IGSF10: variants seen among roughly 807,000 people sequenced by gnomAD.
IGSF10 encodes the protein immunoglobulin superfamily member 10, also known as calvaria mechanical force protein 608.
IGSF10 carries 126 observed loss-of-function variants against 128.2 expected under a neutral mutation model. The ratio of observed to expected loss-of-function variants is 0.98; its 90% CI spans 0.85 to 1.14. The LOEUF (loss-of-function observed/expected upper bound fraction) is 1.14, where lower values mean the gene tolerates loss of function less well. Among genes scored for constraint, IGSF10 ranks in the 50% most tolerant of loss-of-function variants. The pLI is 0.00. For missense variants in IGSF10, 3,295 were observed against 3,149.8 expected (o/e 1.05, Z -1.10); for synonymous variants, 1,185 against 1,146.2 (o/e 1.03, Z -0.68).
chr3:151,563,226 C>T, the IGSF10 span, among the ~76,000 whole-genome samples: 16 of 152,200 alleles, frequency 1.1e-4, 1 homozygote, highest in South Asian at 6.2e-4. Flanking sequence ...CAGCCTTGAC[C>T]GTGAGAGTGA....
the IGSF10 span, among the ~76,000 whole-genome samples, chr3:151,529,850 C>T: frequency 6.6e-6 from 1 of 151,944 alleles, no homozygotes; most frequent in African/African-American, 2.4e-5. Flanking sequence ...AAACTGGATG[C>T]AGGATGAGTT....
In IGSF10 at chr3:151,450,895, C is replaced by CAAAA. The variant is rs35070766; in HGVS notation, c.716-1634_716-1631dup. On this transcript the variant is annotated intron_variant, in intron 5 of 7. Coordinates refer to ENST00000282466, the MANE Select transcript of IGSF10 (RefSeq NM_178822.5). Reference sequence around the variant, plus strand: ...GGGCAACAAGAGCAAAACTCTGTCTCAAAAAAAAAAAAAAAAAAAAAAAGA... The same window carrying CAAAA: ...GGGCAACAAGAGCAAAACTCTGTCTCAAAAAAAAAAAAAAAAAAAAAAAAAAAGA... 3.7e-3 allele frequency among the ~76,000 whole-genome samples: 200 copies of CAAAA among 54,712 alleles called. 1 individual carries two copies. The highest frequency in any genetic ancestry group is 4.6e-3 in the South Asian group (5 of 1,092). The allele number at this position is 54,712 out of a possible 152,430, so 35.9% of individuals were successfully genotyped here. A position where few individuals can be genotyped will look rare whatever the true frequency, so the allele number is the denominator to read the frequency against.
At chr3:151,536,779 G>A in the IGSF10 span, among the ~76,000 whole-genome samples, 6 of 152,178 alleles carry the variant, frequency 3.9e-5, no homozygotes, top group African/African-American at 1.2e-4. Flanking sequence ...TTTAATATGG[G>A]CCAATATTTT....
At chr3:151,587,331 A>G in the IGSF10 span, among the ~76,000 whole-genome samples, 155 of 152,290 alleles carry the variant, frequency 1.0e-3, 2 homozygotes, top group Admixed American at 8.3e-3. Flanking sequence ...TCTTGGATTA[A>G]TGTCATCTTG....
At chr3:151,560,685 A>C in the IGSF10 span, among the ~76,000 whole-genome samples, 1 of 139,620 alleles carries the variant, frequency 7.2e-6, no homozygotes, top group African/African-American at 2.6e-5. Flanking sequence ...ATCTATAACA[A>C]ATTATGCATT....
At position 151,443,859 on chromosome 3, in the gene IGSF10, C is replaced by T; in HGVS notation, c.5088G>A (p.Gln1696=). 1 of 1,607,374 alleles carries T rather than the reference C, an allele frequency of 6.2e-7. No individual in the cohort carries two copies. Among genetic ancestry groups the T allele is most frequent in the Non-Finnish European group, 8.5e-7 (1 of 1,175,284 alleles). ...PSGLDLSKRK[Q]NSRVQVLPNG... is the part of the protein sequence containing the mutation. ...TGGGGAGAACCTGGACCCTGCTATTCTGTTTCCTCTTAGATAAATCAAGTC... is the reference window on the plus strand; with the variant it reads ...TGGGGAGAACCTGGACCCTGCTATTTTGTTTCCTCTTAGATAAATCAAGTC... The change falls in exon 7 of 8, where the codon CAG becomes CAA. Residue 1696 remains glutamine (Q), a synonymous_variant. Transcript: ENST00000282466.
chr3:151,594,389 A>C, the IGSF10 span, among the ~76,000 whole-genome samples: 1 of 141,746 alleles, frequency 7.1e-6, no homozygotes, highest in South Asian at 2.2e-4. Flanking sequence ...GCTGGAGTGC[A>C]GTGGCGCAAT....
Position 151,447,530 on chromosome 3 carries a change from T to C in IGSF10, c.2451A>G (p.Pro817=). The stretch of plus-strand genomic sequence containing the variant: ...TGGAGTCAGCAGTCACTGTCCTTGC[T>C]GGAAGGTTCAAAGCTTTAGTGGCCG... ...MVPATKALNL[P]ARTVTADSRT... is the part of the protein sequence containing the mutation. The change falls in exon 6 of 8, where the codon CCA becomes CCG. Residue 817 remains proline (P), a synonymous_variant. Transcript: ENST00000282466. 2 of 1,614,190 alleles carry C rather than the reference T, an allele frequency of 1.2e-6. No homozygotes were observed. Among genetic ancestry groups the C allele is most frequent in the Non-Finnish European group, 1.7e-6 (2 of 1,180,024 alleles).
Position 151,447,374 on chromosome 3 carries a change from G to A in IGSF10, c.2607C>T (p.Ala869=). The A allele has an allele frequency of 6.2e-7, 1 of 1,614,148 alleles. No individual in the cohort carries two copies. The highest frequency in any genetic ancestry group is 8.5e-7 in the Non-Finnish European group (1 of 1,180,002). The change falls in exon 6 of 8, where the codon GCC becomes GCT. Residue 869 remains alanine (A), a synonymous_variant. Coordinates refer to ENST00000282466, the MANE Select transcript of IGSF10 (RefSeq NM_178822.5). ...FKLSTAIKTT[A]MSKNINPTMS... is the part of the protein sequence containing the mutation. ...TGGTTGGGTTTATATTCTTTGACAT[G>A]GCTGTAGTTTTAATAGCAGTAGACA...
rs1389874906 is a variant in IGSF10, at chr3:151,443,262, G to C, written c.5685C>G (p.Phe1895Leu). 3 of 1,611,622 alleles carry C rather than the reference G, an allele frequency of 1.9e-6. No individual in the cohort carries two copies. Among genetic ancestry groups the C allele is most frequent in the Non-Finnish European group, 1.7e-6 (2 of 1,178,580 alleles). Reference sequence around the variant, plus strand: ...TATACAAAGTCCCATTTGAAAATAAGAACAACTTGGAATTGGTAAACTGTA... The same window carrying C: ...TATACAAAGTCCCATTTGAAAATAACAACAACTTGGAATTGGTAAACTGTA... Reference protein sequence around the residue: ...KPLQFTNSKLFLFSNGTLYIR... With the variant: ...KPLQFTNSKLLLFSNGTLYIR... Residue 1895 changes from phenylalanine to leucine, a missense_variant, in exon 7 of 8, where the codon TTC becomes TTG. Coordinates refer to ENST00000282466, the MANE Select transcript of IGSF10 (RefSeq NM_178822.5).
the IGSF10 span, among the ~76,000 whole-genome samples, chr3:151,614,661 G>A: frequency 3.9e-5 from 6 of 151,988 alleles, no homozygotes; most frequent in African/African-American, 1.5e-4. Flanking sequence ...TCACACACCG[G>A]GGACTGTTGT....
the IGSF10 span, among the ~76,000 whole-genome samples, chr3:151,528,956 G>A: frequency 0.013 from 1,932 of 152,214 alleles, 16 homozygotes; most frequent in South Asian, 0.031. Flanking sequence ...ATCCACCGGC[G>A]TGAAATTCTC....
chr3:151,603,961 A>G, the IGSF10 span, among the ~76,000 whole-genome samples: 1 of 152,200 alleles, frequency 6.6e-6, no homozygotes, highest in Non-Finnish European at 1.5e-5. Flanking sequence ...GAGCACAAGG[A>G]TGTGTTTATC....
chr3:151,552,361 C>T, the IGSF10 span, among the ~76,000 whole-genome samples: 24 of 152,224 alleles, frequency 1.6e-4, no homozygotes, highest in Admixed American at 3.3e-4. Flanking sequence ...ACAGCCAATA[C>T]GTACAGAGAC....
chr3:151,460,909 C>T (rs1408581968), intron 1 of IGSF10, 37 bp downstream of exon 1: 27 of 984,964 alleles, frequency 2.7e-5, no homozygotes, highest in Non-Finnish European at 3.1e-5. Context: ...CGTGGGGTTC[C>T]AGCCCTTTCC....
At chr3:151,496,867 C>G in the IGSF10 span, among the ~76,000 whole-genome samples, 2 of 152,008 alleles carry the variant, frequency 1.3e-5, no homozygotes, top group Non-Finnish European at 2.9e-5. Context: ...TAATGATTGC[C>G]ATTCTAACTG....
the IGSF10 span, among the ~76,000 whole-genome samples, chr3:151,547,353 T>C: frequency 5.3e-5 from 8 of 152,130 alleles, no homozygotes; most frequent in Admixed American, 4.6e-4. Flanking sequence ...CACAATTATG[T>C]TCTTCCTGAA....
In IGSF10 at chr3:151,436,912, C is replaced by G. The variant is rs748457120; in HGVS notation, c.7649G>C (p.Cys2550Ser). The G allele has an allele frequency of 8.1e-6, 13 of 1,614,074 alleles. No individual in the cohort carries two copies. The South Asian group carries it at 1.3e-4, about 16-fold the overall frequency. Reference sequence around the variant, plus strand: ...TGGCTTGGGAACTCCCAAGGCCACACAGTGGAGCTGAAAGGCTGCCCCTGT... The same window carrying G: ...TGGCTTGGGAACTCCCAAGGCCACAGAGTGGAGCTGAAAGGCTGCCCCTGT... ...TRTGAAFQLH[C>S]VALGVPKPEI... The change falls in exon 8 of 8, where the codon TGT becomes TCT. Residue 2550 changes from cysteine (C) to serine (S), a missense_variant. Coordinates refer to ENST00000282466, the MANE Select transcript of IGSF10 (RefSeq NM_178822.5).
At chr3:151,546,632 C>A in the IGSF10 span, among the ~76,000 whole-genome samples, 3 of 152,030 alleles carry the variant, frequency 2.0e-5, no homozygotes, top group African/African-American at 7.2e-5. Flanking sequence ...TCATGCCTGG[C>A]GTATGTTTAT....
Sources: allele counts gnomAD v4.1 joint callset (sites outside exome capture counted in the v4.1 genomes callset), GRCh38; gene constraint gnomAD v4.1.1; transcripts MANE v1.5; gene names NCBI Gene and HGNC (gene_info 2026-07-23, HGNC 2026-07-21).